DAB1: variants seen among roughly 807,000 people sequenced by gnomAD.
DAB1 encodes the protein disabled homolog 1.
In DAB1, 15 loss-of-function variants were observed where a neutral mutation model predicts 64.6. The observed-to-expected ratio is 0.23, with a 90% CI of 0.16 to 0.36. The LOEUF (loss-of-function observed/expected upper bound fraction) is 0.36. DAB1 is among the 10% of genes least tolerant of loss of function. DAB1 has a pLI of 1.00. For synonymous variants in DAB1, 235 were observed against 251.9 expected (o/e 0.93, Z 0.64); for missense variants, 596 against 706.7 (o/e 0.84, Z 1.78).
At chr1:57,823,386 T>C (rs1652207580), downstream of DAB1, among the ~76,000 whole-genome samples, 1 of 152,098 alleles carries the variant, frequency 6.6e-6, no homozygotes, top group Admixed American at 6.6e-5. Flanking sequence ...CTGGGGAGGT[T>C]GGACACCGAG....
chr1:58,469,242 C>A (rs1645329091), intron 3 of DAB1, among the ~76,000 whole-genome samples: 3 of 152,152 alleles, frequency 2.0e-5, no homozygotes, highest in Admixed American at 2.0e-4. Context: ...CTCATCTCAG[C>A]CATTTGGGCA....
intron 1 of DAB1, among the ~76,000 whole-genome samples, chr1:57,351,542 T>C (rs1034452254): frequency 3.9e-5 from 6 of 152,232 alleles, no homozygotes; most frequent in Admixed American, 3.9e-4. Context: ...AGCAATTCTG[T>C]ACAGTAATTG....
chr1:57,868,378 T>C (rs1245618582), intron 1 of DAB1, among the ~76,000 whole-genome samples: 2 of 152,086 alleles, frequency 1.3e-5, no homozygotes, highest in African/African-American at 4.8e-5. Flanking sequence ...AATGGAAAGA[T>C]TTTCCTGTTG....
chr1:57,648,815 G>T (rs1349885875), intron 7 of DAB1, among the ~76,000 whole-genome samples: 1 of 152,192 alleles, frequency 6.6e-6, no homozygotes, highest in Non-Finnish European at 1.5e-5. Flanking sequence ...ATTTAAGGGG[G>T]GTTAGGGGTA....
intron 5 of DAB1, among the ~76,000 whole-genome samples, chr1:58,105,607 T>G (rs1213770): frequency 6.6e-6 from 1 of 151,960 alleles, no homozygotes; most frequent in Non-Finnish European, 1.5e-5. Flanking sequence ...TTATGAAATG[T>G]CGATGATGAT....
intron 9 of DAB1, among the ~76,000 whole-genome samples, chr1:57,034,394 T>C (rs1358720254): frequency 3.9e-5 from 6 of 152,180 alleles, no homozygotes; most frequent in Non-Finnish European, 5.9e-5. Flanking sequence ...ATCTTTTGAA[T>C]TGAAATCCTC....
chr1:57,431,845 C>T (rs192530133), intron 7 of DAB1, among the ~76,000 whole-genome samples: 15 of 152,198 alleles, frequency 9.9e-5, no homozygotes, highest in Admixed American at 2.6e-4. Flanking sequence ...ATGGCTGGGC[C>T]GGGCACAGTG....
At chr1:57,238,322 T>C (rs1186036816) in intron 2 of DAB1, among the ~76,000 whole-genome samples, 1 of 152,208 alleles carries the variant, frequency 6.6e-6, no homozygotes, top group Non-Finnish European at 1.5e-5. Flanking sequence ...CTTAGAGGAA[T>C]GTAGCAAGAG....
At chr1:57,543,824 C>T (rs1644828475) in intron 7 of DAB1, among the ~76,000 whole-genome samples, 1 of 152,130 alleles carries the variant, frequency 6.6e-6, no homozygotes, top group Non-Finnish European at 1.5e-5. Flanking sequence ...AACATATAGC[C>T]AGGTGTGGTG....
At chr1:58,018,069 T>C (rs1002842224) in intron 5 of DAB1, among the ~76,000 whole-genome samples, 4 of 151,268 alleles carry the variant, frequency 2.6e-5, no homozygotes, top group African/African-American at 9.9e-5. Flanking sequence ...TTTCTGATCA[T>C]GATGCTTGTG....
At chr1:58,312,824 T>A (rs1416911450) in intron 4 of DAB1, among the ~76,000 whole-genome samples, 2 of 152,128 alleles carry the variant, frequency 1.3e-5, no homozygotes, top group Non-Finnish European at 2.9e-5. Context: ...ACCTACCTGT[T>A]CTTGGTTTCC....
chr1:57,138,788 A>T (rs982672317), intron 3 of DAB1, among the ~76,000 whole-genome samples: 2 of 152,284 alleles, frequency 1.3e-5, no homozygotes, highest in East Asian at 3.9e-4. Flanking sequence ...GCCAAATTGC[A>T]TCTCCTTTGT....
chr1:57,690,971 G>T (rs1475333919), intron 6 of DAB1, among the ~76,000 whole-genome samples: 2 of 152,022 alleles, frequency 1.3e-5, no homozygotes, highest in Non-Finnish European at 2.9e-5. Flanking sequence ...TAAGTCTTTT[G>T]CCCATTTTAA....
At chr1:57,851,674 A>G (rs1376915565) in intron 1 of DAB1, among the ~76,000 whole-genome samples, 3 of 152,202 alleles carry the variant, frequency 2.0e-5, no homozygotes, top group African/African-American at 7.2e-5. Flanking sequence ...TAGATATTAG[A>G]AGAGTCTTTC....
intron 4 of DAB1, 87 bp from the exon 5 acceptor site, chr1:57,072,501 T>C (rs1289756428): frequency 6.8e-7 from 1 of 1,466,276 alleles, no homozygotes; most frequent in Non-Finnish European, 9.4e-7. Context: ...CAGCTACGTG[T>C]GAACAGGCCC....
At chr1:57,855,859 C>G (rs557960670) in intron 1 of DAB1, among the ~76,000 whole-genome samples, 1 of 152,162 alleles carries the variant, frequency 6.6e-6, no homozygotes, top group South Asian at 2.1e-4. Flanking sequence ...TGGAGAGAAC[C>G]AACTGCAGGT....
chr1:58,357,257 G>A (rs148464752), intron 3 of DAB1, among the ~76,000 whole-genome samples: 1,791 of 152,132 alleles, frequency 0.012, 14 homozygotes, highest in Non-Finnish European at 0.016. Flanking sequence ...GAGAACAGAG[G>A]GAAATGGGAA....
intron 5 of DAB1, among the ~76,000 whole-genome samples, chr1:58,051,661 T>G (rs1647678321): frequency 6.6e-6 from 1 of 152,154 alleles, no homozygotes; most frequent in African/African-American, 2.4e-5. Context: ...TACACTCCCA[T>G]GAACAGTGTA....
At chr1:58,304,227 G>A (rs989174648) in intron 4 of DAB1, among the ~76,000 whole-genome samples, 12 of 152,090 alleles carry the variant, frequency 7.9e-5, no homozygotes, top group South Asian at 2.1e-4. Flanking sequence ...GAAAGCCATC[G>A]TTTGTGTAAT....
Sources: allele counts gnomAD v4.1 joint callset (sites outside exome capture counted in the v4.1 genomes callset), GRCh38; gene constraint gnomAD v4.1.1; transcripts MANE v1.5; gene names NCBI Gene and HGNC (gene_info 2026-07-23, HGNC 2026-07-21).